QARS1: variants seen among roughly 807,000 people sequenced by gnomAD.
QARS1 encodes glutamine--tRNA ligase.
Under a neutral mutation model 106.9 loss-of-function variants are expected in QARS1, and 79 were observed. The ratio of observed to expected loss-of-function variants is 0.74; its 90% confidence interval spans 0.62 to 0.89. The LOEUF (loss-of-function observed/expected upper bound fraction) is 0.89, where lower values mean the gene tolerates loss of function less well. QARS1 is among the 40% of genes least tolerant of loss of function. The pLI is 0.00. For synonymous variants in QARS1, 395 were observed against 367.7 expected (o/e 1.07, Z -0.85); for missense variants, 966 against 997.2 (o/e 0.97, Z 0.42).
Position 49,095,945 on chromosome 3 carries a change from AG to A in QARS1, c.*83del. ...TAACACACAGACTCTAGGAGAATTTAGCTGTTCTTTATTGACATGGAATTTG... is the reference window on the plus strand; with the variant it reads ...TAACACACAGACTCTAGGAGAATTTACTGTTCTTTATTGACATGGAATTTG... On this transcript the variant is annotated 3_prime_UTR_variant, in exon 24 of 24. Coordinates refer to ENST00000306125, the MANE Select transcript of QARS1 (RefSeq NM_005051.3). The A allele has an allele frequency of 7.8e-7, 1 of 1,288,686 alleles. No homozygotes were observed. Among genetic ancestry groups the A allele is most frequent in the Non-Finnish European group, 1.1e-6 (1 of 901,258 alleles). The allele number at this position is 1,288,686 out of a possible 1,614,324, so 79.8% of individuals were successfully genotyped here. A position where few individuals can be genotyped will look rare whatever the true frequency, so the allele number is the denominator to read the frequency against.
chr3:49,103,626 C>G lies in QARS1; in HGVS notation c.451+5G>C, dbSNP rs376304606. On this transcript the variant is annotated splice_donor_5th_base_variant and intron_variant, in intron 4 of 23. Transcript: ENST00000306125. ...CAATATAGCCCCGTTCCAGGCCCTG[C>G]TCACCCATCAGCAGCCCCATGTTGA... 1.3e-5 allele frequency: 21 copies of G among 1,612,986 alleles called. No homozygotes were observed. The African/African-American group carries it at 2.5e-4, about 19-fold the overall frequency.
chr3:49,104,016 G>A, intron 2 of QARS1, 44 bp from the exon 3 acceptor site: 1 of 1,517,666 alleles, frequency 6.6e-7, no homozygotes, highest in Non-Finnish European at 9.1e-7. Context: ...TCTGCTCCAA[G>A]AAGTGGACAG....
Position 49,096,034 on chromosome 3 carries a change from C to A in QARS1, c.2323G>T (p.Val775Leu). 1 of 1,613,900 alleles carries A rather than the reference C, an allele frequency of 6.2e-7. No homozygotes were observed. Among genetic ancestry groups the A allele is most frequent in the Non-Finnish European group, 8.5e-7 (1 of 1,179,956 alleles). Residue 775 changes from valine to leucine, a missense_variant, in exon 24 of 24, where the codon GTG becomes TTG. Transcript: ENST00000306125. ...GTAGGTTCAGTGCTTCCAGCTCACA[C>A]CTTTCCTGGGTCTTCCTTCAGTGTG... ...TVTLKEDPGK[V>L]
intron 23 of QARS1, among the ~76,000 whole-genome samples, chr3:49,096,798 C>CAAA (rs770587253): frequency 0.049 from 691 of 14,142 alleles, 217 homozygotes; most frequent in Non-Finnish European, 0.064. Flanking sequence ...GACTCCGTCT[C>CAAA]AAAAAAAAAA....
At chr3:49,096,670 G>GGCGCC (rs1365981396) in intron 23 of QARS1, among the ~76,000 whole-genome samples, 1 of 151,634 alleles carries the variant, frequency 6.6e-6, no homozygotes, top group Non-Finnish European at 1.5e-5. Flanking sequence ...AGTGGTGGCG[G>GGCGCC]GCGCCTGTAG....
rs1189751832 is a variant in QARS1, at chr3:49,101,310, A to G, written c.876+45T>C. ...GGATATGGTATCCACTCATGGGAAC[A>G]GCAAGTGGTCATCTTGCTTGCCAGG... On this transcript the variant is annotated intron_variant, in intron 10 of 23. Transcript: ENST00000306125. The G allele has an allele frequency of 1.3e-5, 19 of 1,438,074 alleles. No homozygotes were observed. The Admixed American group carries it at 1.9e-4, about 14-fold the overall frequency. 89.1% of individuals were successfully genotyped at this position (1,438,074 alleles called of 1,614,324 possible). A position where few individuals can be genotyped will look rare whatever the true frequency, so the allele number is the denominator to read the frequency against.
In QARS1 at chr3:49,099,142, G is replaced by T. The variant is rs780301490; in HGVS notation, c.1726C>A (p.Arg576=). Residue 576 remains arginine, a synonymous_variant, in exon 18 of 24, where the codon CGG becomes AGG. Coordinates refer to ENST00000306125, the MANE Select transcript of QARS1 (RefSeq NM_005051.3). The stretch of plus-strand genomic sequence containing the variant: ...GCAGGAAAGTTGGTGATGATGACCC[G>T]TAGTGACTCCAGCACAGCCATGGCT... The part of the protein sequence containing the change: ...PRAMAVLESL[R]VIITNFPAAK... The T allele has an allele frequency of 1.1e-4, 176 of 1,614,026 alleles. No homozygotes were observed. The highest frequency in any genetic ancestry group is 1.4e-4 in the Non-Finnish European group (167 of 1,180,038).
At position 49,104,621 on chromosome 3, in the gene QARS1, G is replaced by A. The variant is rs1347407640; in HGVS notation, c.113C>T (p.Thr38Ile). The A allele has an allele frequency of 6.2e-7, 1 of 1,603,428 alleles. No individual in the cohort carries two copies. Among genetic ancestry groups the A allele is most frequent in the Non-Finnish European group, 8.5e-7 (1 of 1,172,126 alleles). Residue 38 changes from threonine (T) to isoleucine (I), a missense_variant, in exon 1 of 24, where the codon ACT (threonine) becomes ATT (isoleucine). By Grantham distance (89) the Thr-to-Ile change is moderately conservative. Coordinates refer to ENST00000306125, the MANE Select transcript of QARS1 (RefSeq NM_005051.3). The stretch of plus-strand genomic sequence containing the variant: ...CGGGGGCAGAGGGGCTCGCACCTGA[G>A]TAGCGGCCTCGCGCAGCTGCGCGCT... ...ALSAQLREAA[T>I]QAQQTLGSTI...
Position 49,099,474 on chromosome 3 carries a change from C to A in QARS1, c.1526+36G>T, listed in dbSNP as rs542326532. On this transcript the variant is annotated intron_variant, in intron 16 of 23. Coordinates refer to ENST00000306125, the MANE Select transcript of QARS1 (RefSeq NM_005051.3). ...GTGAGAAGGCCTTTGGGAGCATATG[C>A]CATTAACCTTTCATAAGCCAAACAG... 7 of 1,614,136 alleles carry A rather than the reference C, an allele frequency of 4.3e-6. No individual in the cohort carries two copies. The African/African-American group carries it at 8.0e-5, about 18-fold the overall frequency.
chr3:49,096,055 G>A lies in QARS1; in HGVS notation c.2302C>T (p.Leu768=), dbSNP rs754267754. The A allele has an allele frequency of 6.2e-7, 1 of 1,613,946 alleles. No homozygotes were observed. Among genetic ancestry groups the A allele is most frequent in the Non-Finnish European group, 8.5e-7 (1 of 1,179,976 alleles). ...CACACCTTTCCTGGGTCTTCCTTCAGTGTGACAGTTCGGTTAAAGACAAGC... is the reference window on the plus strand; with the variant it reads ...CACACCTTTCCTGGGTCTTCCTTCAATGTGACAGTTCGGTTAAAGACAAGC... ...GKLVFNRTVT[L]KEDPGKV Residue 768 remains leucine, a synonymous_variant, in exon 24 of 24, where the codon CTG becomes TTG. Coordinates refer to ENST00000306125, the MANE Select transcript of QARS1 (RefSeq NM_005051.3).
At position 49,098,593 on chromosome 3, in the gene QARS1, C is replaced by T; in HGVS notation, c.1956+7G>A. On this transcript the variant is annotated splice_region_variant and intron_variant, in intron 20 of 23. Transcript: ENST00000306125. ...ACTGCAGTAGGAAGGCTGCAGCTGG[C>T]TCTCACCTTGACAACATGCTGCAGC... is the stretch of plus-strand genomic sequence containing the variant. 4 of 1,609,100 alleles carry T rather than the reference C, an allele frequency of 2.5e-6. No homozygotes were observed. Among genetic ancestry groups the T allele is most frequent in the Non-Finnish European group, 3.4e-6 (4 of 1,177,002 alleles).
At chr3:49,101,090 A>G (rs2042464353) in intron 10 of QARS1, among the ~76,000 whole-genome samples, 1 of 152,194 alleles carries the variant, frequency 6.6e-6, no homozygotes, top group African/African-American at 2.4e-5. Context: ...ACCTTCCTGT[A>G]TCTAACCTAG....
rs1388667030 is a variant in QARS1, at chr3:49,099,191, A to G, written c.1677T>C (p.Asp559=). The change falls in exon 18 of 24, where the codon GAT becomes GAC. Residue 559 remains aspartate (D), a synonymous_variant. Transcript: ENST00000306125. ...CTCGTGGGGCTGTGTCATTCAGCACATCACGCACACAGGCTTCTAGAAGAT... is the reference window on the plus strand; with the variant it reads ...CTCGTGGGGCTGTGTCATTCAGCACGTCACGCACACAGGCTTCTAGAAGAT... ...EPHLLEACVR[D]VLNDTAPRAM... The G allele has an allele frequency of 6.2e-7, 1 of 1,614,184 alleles. No homozygotes were observed. The highest frequency in any genetic ancestry group is 8.5e-7 in the Non-Finnish European group (1 of 1,180,026).
chr3:49,103,553 C>A, intron 4 of QARS1, 78 bp downstream of exon 4: 1 of 1,566,262 alleles, frequency 6.4e-7, no homozygotes, highest in South Asian at 1.1e-5. Context: ...TTCCTTCCCC[C>A]ACCTCCTTCT....
intron 5 of QARS1, chr3:49,102,721 A>G: frequency 1.7e-6 from 1 of 574,592 alleles, no homozygotes; most frequent in Non-Finnish European, 3.3e-6. Flanking sequence ...CGCTCACTGC[A>G]ACCTCCGCCT....
At chr3:49,096,623 C>T (rs2042394088) in intron 23 of QARS1, among the ~76,000 whole-genome samples, 1 of 151,558 alleles carries the variant, frequency 6.6e-6, no homozygotes, top group Admixed American at 6.6e-5. Flanking sequence ...CACGGTGAAA[C>T]CCCGTCTCTA....
At chr3:49,103,734 G>A (rs774791657) in intron 3 of QARS1, 28 bp from the exon 4 acceptor site, 1 of 1,611,616 alleles carries the variant, frequency 6.2e-7, no homozygotes, top group Non-Finnish European at 8.5e-7. Flanking sequence ...ATGTGGTTCA[G>A]GAAAGCCACC....
chr3:49,103,742 A>G, intron 3 of QARS1, 36 bp from the exon 4 acceptor site: 1 of 1,609,156 alleles, frequency 6.2e-7, no homozygotes, highest in African/African-American at 1.3e-5. Flanking sequence ...CAGGAAAGCC[A>G]CCTTTAGAGA....
intron 8 of QARS1, 49 bp downstream of exon 8, chr3:49,101,779 G>T (rs765363965): frequency 1.2e-6 from 2 of 1,608,688 alleles, no homozygotes; most frequent in East Asian, 4.5e-5. Context: ...GACTATAGGA[G>T]CTGCTGCCAA....
Sources: allele counts gnomAD v4.1 joint callset (sites outside exome capture counted in the v4.1 genomes callset), GRCh38; gene constraint gnomAD v4.1.1; transcripts MANE v1.5; gene names NCBI Gene and HGNC (gene_info 2026-07-23, HGNC 2026-07-21).